Variants in KANSL1 observed in about 807,000 individuals in gnomAD.
KANSL1 encodes MLL1/MLL complex subunit KANSL1.
KANSL1 carries 22 observed loss-of-function variants against 103.6 expected under a neutral mutation model. That is an observed-to-expected ratio of 0.21 (90% CI 0.15 to 0.30). KANSL1 has a LOEUF of 0.30. Among genes scored for constraint, KANSL1 ranks in the 10% least tolerant of loss-of-function variants. The pLI is 1.00. For missense variants in KANSL1, 1,337 were observed against 1,399.8 expected (o/e 0.96, Z 0.72); for synonymous variants, 600 against 527.6 (o/e 1.14, Z -1.88).
chr17:46,189,731 A>G (rs1391800079), intron 1 of KANSL1, among the ~76,000 whole-genome samples: 2 of 152,128 alleles, frequency 1.3e-5, no homozygotes, highest in Non-Finnish European at 2.9e-5. Context: ...CTAAAAATAC[A>G]AAACTTAGCT....
intron 11 of KANSL1, 56 bp downstream of exon 11, chr17:46,034,105 A>G (rs974057265): frequency 4.4e-6 from 7 of 1,597,654 alleles, no homozygotes; most frequent in Admixed American, 1.7e-5. Flanking sequence ...GAGAAGAGGG[A>G]AAAAGGGCAA....
chr17:46,031,148 T>G lies in KANSL1; in HGVS notation c.*328A>C. On this transcript the variant is annotated 3_prime_UTR_variant, in exon 15 of 15. Coordinates refer to ENST00000432791, the MANE Select transcript of KANSL1 (RefSeq NM_015443.4). ...CAGGCTGTTCTGCCCTGCCCACAGG[T>G]GTGAGGGAGGGGGTGGTCATCTAAG... The G allele has an allele frequency of 8.0e-6, 3 of 374,184 alleles. No individual in the cohort carries two copies. The highest frequency in any genetic ancestry group is 3.7e-5 in the South Asian group (1 of 26,884). The allele number at this position is 374,184 out of a possible 1,614,324, so 23.2% of individuals were successfully genotyped here.
At chr17:46,052,760 G>A (rs1227570949) in intron 6 of KANSL1, among the ~76,000 whole-genome samples, 1 of 139,870 alleles carries the variant, frequency 7.1e-6, no homozygotes, top group East Asian at 2.2e-4. Context: ...GGGCAACACA[G>A]TAAGACTCCA....
Position 46,171,442 on chromosome 17 carries a change from G to T in KANSL1, c.702C>A (p.Val234=), listed in dbSNP as rs1057521846. The T allele has an allele frequency of 1.9e-6, 3 of 1,614,062 alleles. No homozygotes were observed. The highest frequency in any genetic ancestry group is 3.3e-5 in the Admixed American group (2 of 60,020). The part of the protein sequence containing the change: ...SNNSTANKSS[V]NSMEQPALQG... ...GAAGTGCCGGCTGTTCCATGGAATTGACAGAGGATTTGTTTGCAGTGCTAT... is the reference window on the plus strand; with the variant it reads ...GAAGTGCCGGCTGTTCCATGGAATTTACAGAGGATTTGTTTGCAGTGCTAT... The change falls in exon 2 of 15, where the codon GTC becomes GTA. Residue 234 remains valine (V), a synonymous_variant. Coordinates refer to ENST00000432791, the MANE Select transcript of KANSL1 (RefSeq NM_015443.4).
intron 2 of KANSL1, among the ~76,000 whole-genome samples, chr17:46,166,894 G>A (rs2046029042): frequency 6.6e-6 from 1 of 152,108 alleles, no homozygotes; most frequent in South Asian, 2.1e-4. Flanking sequence ...TATAAAGAAG[G>A]CATTGCAGAA....
At position 46,191,381 on chromosome 17, in the gene KANSL1, T is replaced by C. The variant is rs2047313939; in HGVS notation, c.-90+1442A>G. On this transcript the variant is annotated intron_variant, in intron 1 of 14. Coordinates refer to ENST00000432791, the MANE Select transcript of KANSL1 (RefSeq NM_015443.4). ...AATTTTCTAAATTGGTCAGACAGCA[T>C]GCTAGAAAAGGAACCAAGTAGAGCC... Among the ~76,000 whole-genome samples, 6 of 152,242 alleles carry C rather than the reference T, an allele frequency of 3.9e-5. No homozygotes were observed. The South Asian group carries it at 1.0e-3, about 26-fold the overall frequency.
chr17:46,059,236 C>A (rs2078058884), intron 6 of KANSL1, among the ~76,000 whole-genome samples: 1 of 152,046 alleles, frequency 6.6e-6, no homozygotes, highest in South Asian at 2.1e-4. Context: ...TGGTAGGAGG[C>A]TACAAAGCTA....
chr17:46,031,560 T>A lies in KANSL1; in HGVS notation c.3234A>T (p.Ala1078=). The stretch of plus-strand genomic sequence containing the variant: ...GGACAATGGGAGGCGAGGTGGGCGC[T>A]GCCTCTGTCTCCCGGCCAGTCTTGC... ...SGSKTGRETE[A]APTSPPIVPL... Residue 1078 remains alanine (A), a synonymous_variant, in exon 15 of 15, where the codon GCA becomes GCT. Coordinates refer to ENST00000432791, the MANE Select transcript of KANSL1 (RefSeq NM_015443.4). The A allele has an allele frequency of 6.2e-7, 1 of 1,614,078 alleles. No homozygotes were observed.
chr17:46,216,025 G>A (rs1437583919), intron 1 of KANSL1, among the ~76,000 whole-genome samples: 1 of 152,172 alleles, frequency 6.6e-6, no homozygotes, highest in Non-Finnish European at 1.5e-5. Context: ...GGGGGATAGA[G>A]CGAGACTCCG....
At chr17:46,136,568 G>A (rs2532315) in intron 2 of KANSL1, among the ~76,000 whole-genome samples, 21,952 of 152,172 alleles carry the variant, frequency 0.14, 2,135 homozygotes, top group Non-Finnish European at 0.22. Context: ...ACATTAGGTA[G>A]ACTGGATGCC....
chr17:46,165,156 C>A (rs1452573853), intron 2 of KANSL1, among the ~76,000 whole-genome samples: 1 of 152,222 alleles, frequency 6.6e-6, no homozygotes, highest in East Asian at 1.9e-4. Flanking sequence ...AATGACAAAG[C>A]AATTTGATTG....
intron 3 of KANSL1, among the ~76,000 whole-genome samples, chr17:46,086,783 G>T (rs2079180324): frequency 1.3e-5 from 2 of 151,976 alleles, no homozygotes; most frequent in Non-Finnish European, 1.5e-5. Context: ...GCAAAACCCT[G>T]TCTCCACAAA....
intron 1 of KANSL1, among the ~76,000 whole-genome samples, chr17:46,208,616 CAAAAAAAAAA>C (rs149187563): frequency 3.7e-5 from 3 of 81,218 alleles, no homozygotes; most frequent in African/African-American, 1.8e-4. Flanking sequence ...GACCCTGTCT[CAAAAAAAAAA>C]AAAAAAAAAA....
intron 2 of KANSL1, among the ~76,000 whole-genome samples, chr17:46,149,823 G>A (rs2044978323): frequency 6.6e-6 from 1 of 151,322 alleles, no homozygotes; most frequent in South Asian, 2.1e-4. Context: ...CTGGCTAGTA[G>A]TAGAGATGAT....
chr17:46,187,808 C>A (rs577053703), intron 1 of KANSL1, among the ~76,000 whole-genome samples: 1 of 152,258 alleles, frequency 6.6e-6, no homozygotes, highest in South Asian at 2.1e-4. Flanking sequence ...GGTTTAAAAT[C>A]TTCATATAAA....
chr17:46,183,245 C>T (rs568918907), intron 1 of KANSL1, among the ~76,000 whole-genome samples: 1 of 152,190 alleles, frequency 6.6e-6, no homozygotes, highest in African/African-American at 2.4e-5. Context: ...AACATAGCCC[C>T]CATCTAAAAA....
At chr17:46,172,338 A>G (rs1206263469) in intron 1 of KANSL1, 106 bp from the exon 2 acceptor site, 7 of 623,370 alleles carry the variant, frequency 1.1e-5, no homozygotes, top group Non-Finnish European at 1.9e-5. Flanking sequence ...CTGCCTCCAG[A>G]AAGAAAACAC....
At chr17:46,218,782 C>T (rs79984439) in intron 1 of KANSL1, among the ~76,000 whole-genome samples, 1 of 138,174 alleles carries the variant, frequency 7.2e-6, no homozygotes, top group Non-Finnish European at 1.5e-5. Context: ...GACTCCATCT[C>T]AAAAAAAAAA....
At chr17:46,185,658 TATATATATACAC>T (rs2046985380) in intron 1 of KANSL1, among the ~76,000 whole-genome samples, 1 of 149,266 alleles carries the variant, frequency 6.7e-6, no homozygotes, top group South Asian at 2.1e-4. Flanking sequence ...CCATTAAACA[TATATATATACAC>T]ATATATATAC....
Sources: allele counts gnomAD v4.1 joint callset (sites outside exome capture counted in the v4.1 genomes callset), GRCh38; gene constraint gnomAD v4.1.1; transcripts MANE v1.5; gene names NCBI Gene and HGNC (gene_info 2026-07-23, HGNC 2026-07-21).